Variants in PAH observed in about 807,000 individuals in gnomAD.
PAH encodes phenylalanine-4-hydroxylase.
Under a neutral mutation model 62.0 loss-of-function variants are expected in PAH, and 64 were observed. The ratio of observed to expected loss-of-function variants is 1.03; its 90% CI spans 0.84 to 1.27. The LOEUF is 1.27. Ranked by LOEUF, PAH falls within the 50% of genes most tolerant of loss-of-function variation. The pLI is 0.00. For missense variants in PAH, 579 were observed against 542.8 expected (o/e 1.07, Z -0.66); for synonymous variants, 195 against 196.2 (o/e 0.99, Z 0.05).
chr12:102,915,081 C>A (rs958208209), intron 1 of PAH: 5 of 152,296 alleles, frequency 3.3e-5, no homozygotes, highest in Non-Finnish European at 5.9e-5. Flanking sequence ...CAGGAACCTC[C>A]TTTCCAGCCA....
At chr12:102,860,311 A>C (rs2136655865) in intron 5 of PAH, among the ~76,000 whole-genome samples, 1 of 152,350 alleles carries the variant, frequency 6.6e-6, no homozygotes, top group Non-Finnish European at 1.5e-5. Flanking sequence ...TTGTAGTTGA[A>C]CCACTGTTCA....
intron 3 of PAH, among the ~76,000 whole-genome samples, chr12:102,892,589 T>C (rs1592977469): frequency 6.6e-6 from 1 of 152,170 alleles, no homozygotes; most frequent in Non-Finnish European, 1.5e-5. Context: ...ATCTTGACCA[T>C]GGAATATTAT....
intron 1 of PAH, among the ~76,000 whole-genome samples, chr12:102,932,522 G>T (rs1202332242): frequency 6.6e-6 from 1 of 152,220 alleles, no homozygotes; most frequent in Non-Finnish European, 1.5e-5. Flanking sequence ...GAGATGACAA[G>T]AGGAGAAGGA....
At chr12:102,939,369 C>G (rs1353695446) in intron 1 of PAH, among the ~76,000 whole-genome samples, 4 of 152,232 alleles carry the variant, frequency 2.6e-5, no homozygotes, top group Non-Finnish European at 5.9e-5. Context: ...GCCCTCTACA[C>G]ACCTTTTTCT....
In PAH at chr12:102,838,850, T is replaced by C; in HGVS notation, c.*325A>G. The C allele has an allele frequency of 2.6e-6, 1 of 390,344 alleles. No homozygotes were observed. Among genetic ancestry groups the C allele is most frequent in the Non-Finnish European group, 4.7e-6 (1 of 211,688 alleles). 24.2% of individuals were successfully genotyped at this position (390,344 alleles called of 1,614,324 possible). A position where few individuals can be genotyped will look rare whatever the true frequency, so the allele number is the denominator to read the frequency against. On this transcript the variant is annotated 3_prime_UTR_variant, in exon 13 of 13. Coordinates refer to ENST00000553106, the MANE Select transcript of PAH (RefSeq NM_000277.3). ...CTTTATGAGTTCTCTGCAAAGCATATATGAAGCTTGAATGAAGCAGGTCCC... is the reference window on the plus strand; with the variant it reads ...CTTTATGAGTTCTCTGCAAAGCATACATGAAGCTTGAATGAAGCAGGTCCC...
chr12:102,909,924 A>C (rs944921154), intron 2 of PAH, among the ~76,000 whole-genome samples: 4 of 152,104 alleles, frequency 2.6e-5, no homozygotes, highest in African/African-American at 4.8e-5. Context: ...GCACCACTAC[A>C]CTCCAGCCTG....
At chr12:102,943,684 G>T (rs969524731) in intron 1 of PAH, among the ~76,000 whole-genome samples, 1 of 152,066 alleles carries the variant, frequency 6.6e-6, no homozygotes, top group Admixed American at 6.6e-5. Flanking sequence ...ATGGTAGACT[G>T]GATAAGGAAA....
intron 1 of PAH, among the ~76,000 whole-genome samples, chr12:102,928,928 C>T (rs7957788): frequency 0.032 from 4,808 of 152,232 alleles, 263 homozygotes; most frequent in African/African-American, 0.11. Context: ...TTTCTTTTAG[C>T]AAATGGAGAT....
At chr12:102,893,633 G>C (rs1877371481) in intron 3 of PAH, among the ~76,000 whole-genome samples, 1 of 152,118 alleles carries the variant, frequency 6.6e-6, no homozygotes, top group Admixed American at 6.5e-5. Context: ...AAAGCCCTAT[G>C]AAAAATTGAG....
At chr12:102,911,945 C>T (rs1333844783) in intron 2 of PAH, among the ~76,000 whole-genome samples, 1 of 152,166 alleles carries the variant, frequency 6.6e-6, no homozygotes, top group Non-Finnish European at 1.5e-5. Flanking sequence ...AAAATATTAG[C>T]ATAGTACTCG....
At chr12:102,854,637 A>G (rs1875325086) in intron 6 of PAH, 1 of 220,344 alleles carries the variant, frequency 4.5e-6, no homozygotes, top group Non-Finnish European at 9.1e-6. Flanking sequence ...TACAGTGTCC[A>G]TTTGACAGAT....
Position 102,877,525 on chromosome 12 carries a change from T to G in PAH, c.378A>C (p.Gln126His). 1 of 1,614,086 alleles carries G rather than the reference T, an allele frequency of 6.2e-7. No homozygotes were observed. Among genetic ancestry groups the G allele is most frequent in the Non-Finnish European group, 8.5e-7 (1 of 1,179,982 alleles). Residue 126 changes from glutamine to histidine, a missense_variant, in exon 4 of 13, where the codon CAA becomes CAC. Transcript: ENST00000553106. ...DTVPWFPRTI[Q>H]ELDRFANQIL... ...TCTGATTGGCAAATCTGTCCAGCTC[T>G]TGAATGGTTCTTGGGAACCAGGGCA...
intron 3 of PAH, among the ~76,000 whole-genome samples, chr12:102,889,995 G>C (rs1877209337): frequency 2.0e-5 from 3 of 152,184 alleles, no homozygotes; most frequent in Non-Finnish European, 4.4e-5. Flanking sequence ...AAGACTCTCT[G>C]GATTAAAATC....
intron 5 of PAH, among the ~76,000 whole-genome samples, chr12:102,861,006 C>T (rs1254087290): frequency 2.0e-5 from 3 of 152,168 alleles, no homozygotes; most frequent in Non-Finnish European, 4.4e-5. Context: ...AACTAAAGAG[C>T]TTCTGCACAG....
In PAH at chr12:102,844,089, A is replaced by C. The variant is rs1874719597; in HGVS notation, c.1065+247T>G. ...TGCATACTCACAAGGCTGCATGCATAGGTCAGCCTTGGAATCAGGAGGCCC... is the reference window on the plus strand; with the variant it reads ...TGCATACTCACAAGGCTGCATGCATCGGTCAGCCTTGGAATCAGGAGGCCC... On this transcript the variant is annotated intron_variant, in intron 10 of 12. Transcript: ENST00000553106. Among the ~76,000 whole-genome samples the C allele has an allele frequency of 2.0e-5, 3 of 152,080 alleles. No individual in the cohort carries two copies. The South Asian group carries it at 6.2e-4, about 32-fold the overall frequency.
At chr12:102,907,499 C>T (rs867289346) in intron 2 of PAH, among the ~76,000 whole-genome samples, 4 of 152,116 alleles carry the variant, frequency 2.6e-5, no homozygotes, top group African/African-American at 7.2e-5. Flanking sequence ...TAGTTTAATG[C>T]GGATTAAATG....
chr12:102,854,732 T>G lies in PAH; in HGVS notation c.706+404A>C, dbSNP rs1592954033. 9.8e-6 allele frequency: 3 copies of G among 305,700 alleles called. No homozygotes were observed. The East Asian group carries it at 2.5e-4, about 26-fold the overall frequency. 18.9% of individuals were successfully genotyped at this position (305,700 alleles called of 1,614,324 possible). On this transcript the variant is annotated intron_variant, in intron 6 of 12. Coordinates refer to ENST00000553106, the MANE Select transcript of PAH (RefSeq NM_000277.3). Reference sequence around the variant, plus strand: ...TGCACAGACTCAGAGCTCAGGGCTCTTGGCACCATCCCCGAAAATAGCACA... The same window carrying G: ...TGCACAGACTCAGAGCTCAGGGCTCGTGGCACCATCCCCGAAAATAGCACA...
intron 4 of PAH, among the ~76,000 whole-genome samples, chr12:102,875,392 G>A (rs565319898): frequency 4.6e-5 from 7 of 152,340 alleles, no homozygotes; most frequent in South Asian, 2.1e-4. Flanking sequence ...GAAGAATGCC[G>A]GTTTGGGGCA....
At chr12:102,910,387 TGGGGAGGGAG>T (rs1565872574) in intron 2 of PAH, among the ~76,000 whole-genome samples, 1 of 149,360 alleles carries the variant, frequency 6.7e-6, no homozygotes, top group Non-Finnish European at 1.5e-5. Context: ...TTTTTTTTTT[TGGGGAGGGAG>T]TCTTGCTCTG....
Sources: allele counts gnomAD v4.1 joint callset (sites outside exome capture counted in the v4.1 genomes callset), GRCh38; gene constraint gnomAD v4.1.1; transcripts MANE v1.5; gene names NCBI Gene and HGNC (gene_info 2026-07-23, HGNC 2026-07-21).